LDB2: variants seen among roughly 807,000 people sequenced by gnomAD.
LDB2 encodes LIM domain binding 2.
In LDB2, 12 loss-of-function variants were observed where a neutral mutation model predicts 44.3. That is an observed-to-expected ratio of 0.27 (90% CI 0.17 to 0.44). The LOEUF (loss-of-function observed/expected upper bound fraction) is 0.44. LDB2 is among the 20% of genes least tolerant of loss of function. The pLI, the probability that LDB2 is intolerant of heterozygous loss-of-function variation, is 1.00. For missense variants in LDB2, 344 were observed against 473.5 expected (o/e 0.73, Z 2.54); for synonymous variants, 164 against 174.8 (o/e 0.94, Z 0.49).
intron 1 of LDB2, among the ~76,000 whole-genome samples, chr4:16,828,426 G>A (rs1783453317): frequency 6.6e-6 from 1 of 152,074 alleles, no homozygotes; most frequent in South Asian, 2.1e-4. Context: ...TGCTTTTCTG[G>A]ATACCTCTAG....
At chr4:16,799,825 C>CCGGA (rs1777425393) in intron 1 of LDB2, among the ~76,000 whole-genome samples, 8 of 152,072 alleles carry the variant, frequency 5.3e-5, no homozygotes, top group African/African-American at 1.7e-4. Flanking sequence ...TAATACTTTT[C>CCGGA]CAGTATAAGT....
intron 5 of LDB2, among the ~76,000 whole-genome samples, chr4:16,576,877 A>G (rs557473833): frequency 6.6e-6 from 1 of 152,324 alleles, no homozygotes; most frequent in African/African-American, 2.4e-5. Context: ...TAAAAAGATC[A>G]TTTGTCATGA....
chr4:16,888,722 GTCGTCATCA>G, intron 1 of LDB2: 1 of 983,860 alleles, frequency 1.0e-6, no homozygotes, highest in Non-Finnish European at 1.2e-6. Context: ...CGTCGTCATC[GTCGTCATCA>G]TCATCATAGT....
chr4:16,780,109 G>T (rs929703202), intron 1 of LDB2, among the ~76,000 whole-genome samples: 1 of 152,100 alleles, frequency 6.6e-6, no homozygotes, highest in Admixed American at 6.5e-5. Context: ...TTTAGAGCAG[G>T]TGACAAACAA....
At chr4:16,595,985 AACCAT>A in intron 2 of LDB2, 110 bp from the exon 3 acceptor site, 1 of 1,133,472 alleles carries the variant, frequency 8.8e-7, no homozygotes, top group Non-Finnish European at 1.2e-6. Context: ...CATCTCAAGA[AACCAT>A]ACCAGGAGGC....
At chr4:16,536,698 A>G (rs1009315727) in intron 5 of LDB2, among the ~76,000 whole-genome samples, 1 of 152,220 alleles carries the variant, frequency 6.6e-6, no homozygotes, top group African/African-American at 2.4e-5. Flanking sequence ...CAGGTGGGTC[A>G]GGGGATGGAG....
At chr4:16,831,174 C>CTTTTTTTTTTTTTTTT (rs370309653) in intron 1 of LDB2, among the ~76,000 whole-genome samples, 2 of 126,750 alleles carry the variant, frequency 1.6e-5, no homozygotes, top group Non-Finnish European at 1.6e-5. Flanking sequence ...CCTCTCTGAG[C>CTTTTTTTTTTTTTTTT]TTTTTTTTTT....
chr4:16,881,473 A>G (rs955259373), intron 1 of LDB2, among the ~76,000 whole-genome samples: 1 of 151,410 alleles, frequency 6.6e-6, no homozygotes, highest in Admixed American at 6.6e-5. Flanking sequence ...GATTTTTGAG[A>G]TTTTCTTTCT....
chr4:16,691,076 C>T (rs1489947760), intron 2 of LDB2, among the ~76,000 whole-genome samples: 6 of 151,948 alleles, frequency 3.9e-5, no homozygotes, highest in African/African-American at 1.5e-4. Flanking sequence ...ACAAGGTGTG[C>T]TTCATTATCC....
chr4:16,891,301 AT>A (rs1276936562), intron 1 of LDB2, among the ~76,000 whole-genome samples: 23 of 117,340 alleles, frequency 2.0e-4, no homozygotes, highest in Non-Finnish European at 3.5e-4. Context: ...AATCTTAAGT[AT>A]TCTTTTTTTT....
intron 5 of LDB2, among the ~76,000 whole-genome samples, chr4:16,530,867 T>G (rs1420091599): frequency 6.6e-6 from 1 of 152,204 alleles, no homozygotes; most frequent in African/African-American, 2.4e-5. Flanking sequence ...GCTCTACGAC[T>G]TGGGTAATTT....
At chr4:16,894,970 G>A (rs1280330693) in intron 1 of LDB2, among the ~76,000 whole-genome samples, 1 of 151,686 alleles carries the variant, frequency 6.6e-6, no homozygotes, top group African/African-American at 2.4e-5. Context: ...AATACATAAC[G>A]GAACTCACAC....
chr4:16,569,844 C>G (rs1030865044), intron 5 of LDB2, among the ~76,000 whole-genome samples: 7 of 152,154 alleles, frequency 4.6e-5, no homozygotes, highest in African/African-American at 1.7e-4. Context: ...TCTTATTTTA[C>G]AGATAAGGAA....
chr4:16,847,648 C>G (rs956439546), intron 1 of LDB2, among the ~76,000 whole-genome samples: 1 of 151,742 alleles, frequency 6.6e-6, no homozygotes, highest in Non-Finnish European at 1.5e-5. Context: ...GACGGAGTCT[C>G]GCTCTGTCGC....
intron 2 of LDB2, among the ~76,000 whole-genome samples, chr4:16,597,241 A>G (rs1721234112): frequency 6.6e-6 from 1 of 152,196 alleles, no homozygotes; most frequent in Non-Finnish European, 1.5e-5. Flanking sequence ...CTAGTCTCTA[A>G]ATAATTTACA....
chr4:16,781,039 C>T (rs1427231828), intron 1 of LDB2, among the ~76,000 whole-genome samples: 1 of 152,172 alleles, frequency 6.6e-6, no homozygotes. Context: ...AAGCACCTCT[C>T]TTTTAAATAG....
chr4:16,710,916 C>T (rs1381587548), intron 2 of LDB2, among the ~76,000 whole-genome samples: 3 of 152,168 alleles, frequency 2.0e-5, no homozygotes, highest in African/African-American at 7.2e-5. Context: ...AGGCAATTGG[C>T]TCTGCCCTTA....
intron 5 of LDB2, among the ~76,000 whole-genome samples, chr4:16,574,684 G>T (rs896561662): frequency 1.3e-5 from 2 of 152,150 alleles, no homozygotes; most frequent in Non-Finnish European, 2.9e-5. Flanking sequence ...AAAATAAATG[G>T]CAGCAGTACA....
intron 1 of LDB2, among the ~76,000 whole-genome samples, chr4:16,897,250 C>G (rs981721316): frequency 2.0e-5 from 3 of 152,142 alleles, no homozygotes; most frequent in African/African-American, 7.2e-5. Flanking sequence ...ATCTAAAATT[C>G]CACCAGAGCT....
Sources: gnomAD v4.1 joint callset for allele counts (sites outside exome capture counted in the v4.1 genomes callset) on GRCh38, gnomAD v4.1.1 for gene constraint, MANE v1.5 for transcripts, NCBI Gene and HGNC (gene_info 2026-07-23, HGNC 2026-07-21) for gene names.